PRKCI: variants seen among roughly 807,000 people sequenced by gnomAD.
PRKCI encodes protein kinase C iota, also known as protein kinase C iota type.
A neutral mutation model predicts 84.0 loss-of-function variants in PRKCI; 43 were observed. The ratio of observed to expected loss-of-function variants is 0.51; its 90% CI spans 0.40 to 0.66. The LOEUF (loss-of-function observed/expected upper bound fraction) is 0.66. PRKCI is among the 30% of genes least tolerant of loss of function. The pLI is 0.00. For missense variants in PRKCI, 459 were observed against 745.6 expected, an observed-to-expected ratio of 0.62 and a Z score of 4.48; for synonymous variants, 216 against 234.4, an observed-to-expected ratio of 0.92 and a Z score of 0.72.
intron 2 of PRKCI, among the ~76,000 whole-genome samples, chr3:170,255,492 T>G: frequency 6.6e-6 from 1 of 152,250 alleles, no homozygotes; most frequent in East Asian, 1.9e-4. Context: ...CTGATTTTTG[T>G]GTGGTGATTT....
At chr3:170,290,015 A>G (rs1003744776) in intron 12 of PRKCI, among the ~76,000 whole-genome samples, 9 of 151,864 alleles carry the variant, frequency 5.9e-5, no homozygotes, top group South Asian at 4.2e-4. Flanking sequence ...AGAGGTTGCA[A>G]TGAGCCAAGA....
intron 12 of PRKCI, among the ~76,000 whole-genome samples, chr3:170,288,262 C>T (rs1020825979): frequency 1.3e-5 from 2 of 151,342 alleles, no homozygotes; most frequent in Non-Finnish European, 2.9e-5. Flanking sequence ...AAAAAAAGGA[C>T]TTTTCTCTTT....
At chr3:170,256,122 G>T (rs1733577222) in intron 2 of PRKCI, among the ~76,000 whole-genome samples, 1 of 152,118 alleles carries the variant, frequency 6.6e-6, no homozygotes, top group Non-Finnish European at 1.5e-5. Context: ...GTTCATCAGA[G>T]ATATTGACCT....
rs1051290229 is a variant in PRKCI, at chr3:170,227,151, C to G, written c.101+4381C>G. Reference sequence around the variant, plus strand: ...TCATGATGGCTTTCTAATGCAACTGCAGCCCTCCTTTTACAACTTTAGTGT... The same window carrying G: ...TCATGATGGCTTTCTAATGCAACTGGAGCCCTCCTTTTACAACTTTAGTGT... On this transcript the variant is annotated intron_variant, in intron 1 of 17. Coordinates refer to ENST00000295797, the MANE Select transcript of PRKCI (RefSeq NM_002740.6). 1.3e-4 allele frequency among the ~76,000 whole-genome samples: 20 copies of G among 152,220 alleles called. 1 individual carries two copies. The highest frequency in any genetic ancestry group is 6.3e-3 in the Middle Eastern group (2 of 316).
At position 170,245,506 on chromosome 3, in the gene PRKCI, G is replaced by A. The variant is rs548691750; in HGVS notation, c.223+10155G>A. The stretch of plus-strand genomic sequence containing the variant: ...AGAGAGGCTATGGGGGTCTTGAGGC[G>A]GTATTGGGGACCTTAGATGCTATCA... On this transcript the variant is annotated intron_variant, in intron 2 of 17. Coordinates refer to ENST00000295797, the MANE Select transcript of PRKCI (RefSeq NM_002740.6). 1.8e-4 allele frequency among the ~76,000 whole-genome samples: 27 copies of A among 152,166 alleles called. No homozygotes were observed. The South Asian group carries it at 3.5e-3, about 20-fold the overall frequency.
intron 14 of PRKCI, among the ~76,000 whole-genome samples, chr3:170,294,642 ATGC>A (rs1734650200): frequency 6.6e-6 from 1 of 152,254 alleles, no homozygotes; most frequent in Non-Finnish European, 1.5e-5. Context: ...CATATTATAT[ATGC>A]TAAGCATTTT....
intron 2 of PRKCI, among the ~76,000 whole-genome samples, chr3:170,250,660 T>A (rs1352936291): frequency 6.6e-6 from 1 of 152,204 alleles, no homozygotes; most frequent in Non-Finnish European, 1.5e-5. Context: ...ATTTATCAAT[T>A]GATGGACAAT....
intron 4 of PRKCI, among the ~76,000 whole-genome samples, chr3:170,267,120 CGG>C: frequency 6.6e-6 from 1 of 151,306 alleles, no homozygotes; most frequent in African/African-American, 2.4e-5. Flanking sequence ...AATTGGGTGG[CGG>C]GGGGGTGCGG....
intron 2 of PRKCI, among the ~76,000 whole-genome samples, chr3:170,257,169 T>C (rs1733603870): frequency 6.6e-6 from 1 of 152,212 alleles, no homozygotes; most frequent in African/African-American, 2.4e-5. Flanking sequence ...AAACAACATT[T>C]TGAAATATGT....
chr3:170,302,949 C>T, intron 17 of PRKCI, 91 bp from the exon 18 acceptor site: 1 of 834,414 alleles, frequency 1.2e-6, no homozygotes, highest in Non-Finnish European at 1.8e-6. Context: ...GTACAATTAG[C>T]CTAATTACTT....
rs138376835 is a variant in PRKCI at position 170,238,780 on chromosome 3, C to T, written c.223+3429C>T. ...CTAATTTTTGTATTTTTAGTAGAGACGGGGTTTCACCATGTTGGCCAGGCT... is the reference window on the plus strand; with the variant it reads ...CTAATTTTTGTATTTTTAGTAGAGATGGGGTTTCACCATGTTGGCCAGGCT... On this transcript the variant is annotated intron_variant, in intron 2 of 17. Coordinates refer to ENST00000295797, the MANE Select transcript of PRKCI (RefSeq NM_002740.6). Among the ~76,000 whole-genome samples the T allele has an allele frequency of 3.8e-3, 577 of 152,100 alleles. 6 individuals are homozygous for T. Among genetic ancestry groups the T allele is most frequent in the African/African-American group, 0.014 (563 of 41,500 alleles).
intron 14 of PRKCI, among the ~76,000 whole-genome samples, chr3:170,294,448 G>A (rs908050597): frequency 6.6e-6 from 1 of 152,136 alleles, no homozygotes; most frequent in Admixed American, 6.6e-5. Context: ...AGCAATTAAG[G>A]GAATGCACAT....
intron 2 of PRKCI, among the ~76,000 whole-genome samples, chr3:170,247,856 CTGT>C (rs1162332702): frequency 6.6e-6 from 1 of 151,038 alleles, no homozygotes; most frequent in African/African-American, 2.4e-5. Flanking sequence ...AAATTCACTA[CTGT>C]TGTTATTGGG....
intron 2 of PRKCI, among the ~76,000 whole-genome samples, chr3:170,245,949 G>GTTTTTTTTGTTTGTTTGTTTTTTT (rs769121904): frequency 3.6e-5 from 3 of 82,462 alleles, no homozygotes; most frequent in Non-Finnish European, 7.1e-5. Flanking sequence ...TTATGTCTTT[G>GTTTTTTTTGTTTGTTTGTTTTTTT]TTTTTTTTTT....
intron 2 of PRKCI, among the ~76,000 whole-genome samples, chr3:170,256,470 C>T (rs189154869): frequency 3.3e-5 from 5 of 152,192 alleles, no homozygotes; most frequent in Non-Finnish European, 7.4e-5. Flanking sequence ...AGTTGCTCAT[C>T]GTAGCCTCTA....
chr3:170,248,354 A>C (rs1264486553), intron 2 of PRKCI, among the ~76,000 whole-genome samples: 1 of 128,192 alleles, frequency 7.8e-6, no homozygotes, highest in Non-Finnish European at 1.6e-5. Flanking sequence ...CAACAAAAAC[A>C]AAAACAGTAG....
intron 2 of PRKCI, among the ~76,000 whole-genome samples, chr3:170,237,535 TAAAA>T (rs1037437937): frequency 5.3e-5 from 8 of 152,004 alleles, no homozygotes; most frequent in East Asian, 1.9e-4. Flanking sequence ...CCTGTGGAAA[TAAAA>T]AAAGAGAGAA....
At position 170,222,768 on chromosome 3, in the gene PRKCI, C is replaced by T. The variant is rs1045660614; in HGVS notation, c.99C>T (p.Arg33=). The part of the protein sequence containing the change: ...SHQVRVKAYY[R]GDIMITHFEP... ...AGGTCCGGGTGAAAGCCTACTACCGCGGGTGAGTGTCCTGGGACAGGGCGG... is the reference window on the plus strand; with the variant it reads ...AGGTCCGGGTGAAAGCCTACTACCGTGGGTGAGTGTCCTGGGACAGGGCGG... Residue 33 remains arginine, a splice_region_variant and synonymous_variant, in exon 1 of 18, where the codon CGC becomes CGT. Transcript: ENST00000295797. The T allele has an allele frequency of 7.3e-7, 1 of 1,374,738 alleles. No homozygotes were observed. Among genetic ancestry groups the T allele is most frequent in the African/African-American group, 1.5e-5 (1 of 66,134 alleles). 85.2% of individuals were successfully genotyped at this position (1,374,738 alleles called of 1,614,324 possible).
At chr3:170,254,266 CTTCATT>C (rs1733530490) in intron 2 of PRKCI, among the ~76,000 whole-genome samples, 1 of 151,766 alleles carries the variant, frequency 6.6e-6, no homozygotes, top group Admixed American at 6.6e-5. Flanking sequence ...TGGGTTGTCT[CTTCATT>C]TTTTTGATTG....
Sources: gnomAD v4.1 joint callset for allele counts (sites outside exome capture counted in the v4.1 genomes callset) on GRCh38, gnomAD v4.1.1 for gene constraint, MANE v1.5 for transcripts, NCBI Gene and HGNC (gene_info 2026-07-23, HGNC 2026-07-21) for gene names.